Variants in PCLO observed in about 807,000 individuals in gnomAD.
PCLO encodes the protein protein piccolo.
PCLO carries 82 observed loss-of-function variants against 427.5 expected under a neutral mutation model. That is an observed-to-expected ratio of 0.19 (90% CI 0.16 to 0.23). The LOEUF is 0.23. PCLO is among the 10% of genes least tolerant of loss of function. PCLO has a pLI of 1.00. For missense variants in PCLO, 6,239 were observed against 6,115.9 expected (o/e 1.02, Z -0.67); for synonymous variants, 2,357 against 2,155.4 (o/e 1.09, Z -2.59).
chr7:83,025,616 A>C (rs1429758058), intron 3 of PCLO, among the ~76,000 whole-genome samples: 1 of 151,980 alleles, frequency 6.6e-6, no homozygotes, highest in African/African-American at 2.4e-5. Context: ...CCACAAAGAT[A>C]CTCCTCGAGA....
chr7:83,034,685 C>A (rs1788752891), intron 3 of PCLO, among the ~76,000 whole-genome samples: 1 of 152,194 alleles, frequency 6.6e-6, no homozygotes, highest in African/African-American at 2.4e-5. Context: ...CATTGTTCAA[C>A]ATTGACCATA....
chr7:82,807,428 A>C (rs1364954632), intron 20 of PCLO, among the ~76,000 whole-genome samples: 3 of 152,244 alleles, frequency 2.0e-5, no homozygotes, highest in African/African-American at 7.2e-5. Flanking sequence ...ATATCTACAT[A>C]TTTCTTAAGG....
At chr7:82,939,706 T>C (rs1203558993) in intron 6 of PCLO, among the ~76,000 whole-genome samples, 1 of 148,274 alleles carries the variant, frequency 6.7e-6, no homozygotes, top group Non-Finnish European at 1.5e-5. Flanking sequence ...ACTGGAAATA[T>C]ATATTATACA....
intron 2 of PCLO, among the ~76,000 whole-genome samples, chr7:83,138,975 T>C (rs1791797938): frequency 6.6e-6 from 1 of 151,614 alleles, no homozygotes; most frequent in South Asian, 2.1e-4. Context: ...TAAAGTATAA[T>C]AAAAAAAGAC....
intron 10 of PCLO, among the ~76,000 whole-genome samples, chr7:82,875,245 T>A (rs1483440721): frequency 1.3e-5 from 2 of 152,074 alleles, no homozygotes; most frequent in Non-Finnish European, 2.9e-5. Context: ...TCAGGACATT[T>A]TTAATAGTAA....
intron 8 of PCLO, among the ~76,000 whole-genome samples, chr7:82,907,587 C>G (rs994432732): frequency 5.3e-5 from 8 of 151,772 alleles, no homozygotes; most frequent in Non-Finnish European, 2.9e-5. Flanking sequence ...AATAGCAAGA[C>G]AAGCTAATAA....
intron 8 of PCLO, among the ~76,000 whole-genome samples, chr7:82,905,252 CAA>C (rs932564987): frequency 7.9e-5 from 12 of 152,096 alleles, no homozygotes; most frequent in Admixed American, 5.9e-4. Context: ...ACAAATATTT[CAA>C]AGAGTTATTT....
At chr7:82,835,607 C>CA in intron 16 of PCLO, 60 bp downstream of exon 16, 1 of 1,418,808 alleles carries the variant, frequency 7.0e-7, no homozygotes, top group Non-Finnish European at 9.8e-7. Flanking sequence ...CATAAAAATG[C>CA]CAAAAGTATA....
At chr7:83,059,357 A>AAATAT (rs1332566491) in intron 3 of PCLO, among the ~76,000 whole-genome samples, 1 of 111,816 alleles carries the variant, frequency 8.9e-6, no homozygotes, top group Non-Finnish European at 1.7e-5. Flanking sequence ...ACACCTTTAA[A>AAATAT]ATATATATAT....
At chr7:82,828,094 T>A (rs530699785) in intron 16 of PCLO, 128 bp from the exon 17 acceptor site, 2 of 632,852 alleles carry the variant, frequency 3.2e-6, no homozygotes, top group African/African-American at 3.8e-5. Context: ...TATCTCATCA[T>A]CCTCATGTCT....
At chr7:83,150,185 A>T (rs1300139868) in intron 2 of PCLO, among the ~76,000 whole-genome samples, 1 of 152,234 alleles carries the variant, frequency 6.6e-6, no homozygotes, top group Non-Finnish European at 1.5e-5. Flanking sequence ...GAGGCTACAT[A>T]CCAAAAGAGA....
chr7:83,117,827 T>C (rs1292140623), intron 3 of PCLO, among the ~76,000 whole-genome samples: 1 of 152,178 alleles, frequency 6.6e-6, no homozygotes, highest in East Asian at 1.9e-4. Context: ...GGTTAACTTA[T>C]TAGTGAAGTT....
At chr7:82,804,857 G>A (rs1791426746) in intron 21 of PCLO, among the ~76,000 whole-genome samples, 1 of 152,094 alleles carries the variant, frequency 6.6e-6, no homozygotes, top group African/African-American at 2.4e-5. Flanking sequence ...AGAAAACCAG[G>A]TGGTAGACTG....
chr7:82,957,771 T>G (rs529048752), intron 4 of PCLO, among the ~76,000 whole-genome samples: 1 of 152,336 alleles, frequency 6.6e-6, no homozygotes, highest in Non-Finnish European at 1.5e-5. Flanking sequence ...CCTTCTGATT[T>G]TGAAATCTTG....
At chr7:82,870,930 T>C (rs888542433) in intron 10 of PCLO, among the ~76,000 whole-genome samples, 4 of 151,700 alleles carry the variant, frequency 2.6e-5, no homozygotes, top group South Asian at 2.1e-4. Flanking sequence ...CTTTTCAAAA[T>C]AGAGATGCTG....
rs1288699975 is a variant in PCLO at position 83,096,961 on chromosome 7, A to ATT, written c.3300+37288_3300+37289insAA. Among the ~76,000 whole-genome samples, 208 of 28,592 alleles carry ATT rather than the reference A, an allele frequency of 7.3e-3. 66 individuals are homozygous for ATT. The highest frequency in any genetic ancestry group is 0.044 in the African/African-American group (202 of 4,586). The allele number at this position is 28,592 out of a possible 152,430, so 18.8% of individuals were successfully genotyped here. A position where few individuals can be genotyped will look rare whatever the true frequency, so the allele number is the denominator to read the frequency against. On this transcript the variant is annotated intron_variant, in intron 3 of 24. Coordinates refer to ENST00000333891, the MANE Select transcript of PCLO (RefSeq NM_033026.6). The stretch of plus-strand genomic sequence containing the variant: ...ATATTATATATTATATAAATAATAT[A>ATT]ATATAATATATTATATATTATATAA...
intron 3 of PCLO, among the ~76,000 whole-genome samples, chr7:83,015,761 TTAC>T (rs1788191402): frequency 6.6e-6 from 1 of 152,140 alleles, no homozygotes; most frequent in African/African-American, 2.4e-5. Context: ...GACTAGTATT[TTAC>T]TACATTACAA....
intron 9 of PCLO, among the ~76,000 whole-genome samples, chr7:82,893,603 A>C (rs949180789): frequency 3.9e-5 from 6 of 152,020 alleles, no homozygotes; most frequent in Admixed American, 2.0e-4. Flanking sequence ...AAAAGAAAAA[A>C]AATAATTCTA....
chr7:82,760,566 T>C (rs1421523167), intron 24 of PCLO, 73 bp downstream of exon 24: 3 of 1,001,268 alleles, frequency 3.0e-6, no homozygotes, highest in Non-Finnish European at 4.4e-6. Flanking sequence ...TATATAAATA[T>C]TGAATAATGG....
Sources: allele counts gnomAD v4.1 joint callset (sites outside exome capture counted in the v4.1 genomes callset), GRCh38; gene constraint gnomAD v4.1.1; transcripts MANE v1.5; gene names NCBI Gene and HGNC (gene_info 2026-07-23, HGNC 2026-07-21).